Variants in RERE observed in about 807,000 individuals in gnomAD.
RERE encodes the protein arginine-glutamic acid dipeptide repeats protein.
Under a neutral mutation model 146.1 loss-of-function variants are expected in RERE, and 40 were observed. The ratio of observed to expected loss-of-function variants is 0.27; its 90% CI spans 0.21 to 0.36. The LOEUF (loss-of-function observed/expected upper bound fraction) is 0.36, where lower values mean the gene tolerates loss of function less well. Among genes scored for constraint, RERE ranks in the 10% least tolerant of loss-of-function variants. RERE has a pLI of 1.00. For synonymous variants in RERE, 1,003 were observed against 866.0 expected (o/e 1.16, Z -2.78); for missense variants, 1,933 against 2,138.7 (o/e 0.90, Z 1.90).
chr1:8,779,857 T>G (rs1285798925), intron 1 of RERE, among the ~76,000 whole-genome samples: 1 of 152,078 alleles, frequency 6.6e-6, no homozygotes, highest in Admixed American at 6.5e-5. Context: ...ATGATGAAAA[T>G]TTATGATTAC....
chr1:8,634,147 A>G (rs1401495379), intron 2 of RERE, among the ~76,000 whole-genome samples: 1 of 152,136 alleles, frequency 6.6e-6, no homozygotes, highest in Non-Finnish European at 1.5e-5. Flanking sequence ...ATCAAGACCA[A>G]GCCATGCCCA....
intron 4 of RERE, among the ~76,000 whole-genome samples, chr1:8,577,935 A>G (rs541795964): frequency 3.9e-5 from 6 of 152,182 alleles, no homozygotes; most frequent in Admixed American, 2.0e-4. Flanking sequence ...TCTACCAAAA[A>G]TACAAAAAAG....
At chr1:8,422,682 G>A in intron 12 of RERE, 45 bp downstream of exon 12, 3 of 1,394,872 alleles carry the variant, frequency 2.2e-6, no homozygotes, top group East Asian at 2.3e-5. Flanking sequence ...GGCAGCAGGA[G>A]CAAAGAGGAA....
intron 6 of RERE, among the ~76,000 whole-genome samples, chr1:8,555,521 G>A (rs1645997254): frequency 6.6e-6 from 1 of 152,138 alleles, no homozygotes; most frequent in African/African-American, 2.4e-5. Context: ...CTGAGCATCA[G>A]AATGGAGAAA....
intron 6 of RERE, among the ~76,000 whole-genome samples, chr1:8,552,671 C>T (rs1645950096): frequency 6.6e-6 from 1 of 152,214 alleles, no homozygotes; most frequent in African/African-American, 2.4e-5. Flanking sequence ...AATCTACCTT[C>T]GTGAAGAGAA....
At chr1:8,684,084 T>C (rs1639033664) in intron 1 of RERE, among the ~76,000 whole-genome samples, 1 of 152,170 alleles carries the variant, frequency 6.6e-6, no homozygotes, top group African/African-American at 2.4e-5. Context: ...TAAATGCCAG[T>C]TTTTTTGGTT....
intron 1 of RERE, among the ~76,000 whole-genome samples, chr1:8,719,980 T>C (rs1639830018): frequency 6.6e-6 from 1 of 152,074 alleles, no homozygotes; most frequent in Admixed American, 6.6e-5. Flanking sequence ...ATTTACTCAC[T>C]CATTAATGGA....
intron 12 of RERE, among the ~76,000 whole-genome samples, chr1:8,387,175 T>A (rs1642706126): frequency 6.6e-6 from 1 of 152,096 alleles, no homozygotes; most frequent in African/African-American, 2.4e-5. Flanking sequence ...TTCACACTCT[T>A]ATGGAAATTT....
chr1:8,601,789 A>C (rs1646634452), intron 4 of RERE, among the ~76,000 whole-genome samples: 1 of 151,620 alleles, frequency 6.6e-6, no homozygotes, highest in Admixed American at 6.6e-5. Flanking sequence ...ACACACACAC[A>C]GACACACATC....
intron 4 of RERE, among the ~76,000 whole-genome samples, chr1:8,580,316 G>A (rs937854407): frequency 6.6e-6 from 1 of 152,178 alleles, no homozygotes; most frequent in Non-Finnish European, 1.5e-5. Flanking sequence ...AGCATAACCA[G>A]TTTAATTGCA....
At position 8,502,358 on chromosome 1, in the gene RERE, G is replaced by A. The variant is rs1261263309; in HGVS notation, c.880-4829C>T. The stretch of plus-strand genomic sequence containing the variant: ...TGGTGGGGGGGTCAGCCCCCCGCCC[G>A]GCCAGCCGCCCTATCCAGGAGGTGA... On this transcript the variant is annotated intron_variant, in intron 8 of 22. Transcript: ENST00000400908. 1.0e-3 allele frequency among the ~76,000 whole-genome samples: 117 copies of A among 117,174 alleles called. 1 individual carries two copies. Among genetic ancestry groups the A allele is most frequent in the African/African-American group, 3.8e-3 (109 of 28,650 alleles). The allele number at this position is 117,174 out of a possible 152,430, so 76.9% of individuals were successfully genotyped here.
intron 1 of RERE, among the ~76,000 whole-genome samples, chr1:8,807,755 C>T (rs941806842): frequency 3.3e-5 from 5 of 152,140 alleles, no homozygotes; most frequent in Non-Finnish European, 7.3e-5. Flanking sequence ...TTCACTCTTA[C>T]ACACTCTAAA....
intron 12 of RERE, among the ~76,000 whole-genome samples, chr1:8,392,362 C>T (rs2124427495): frequency 6.6e-6 from 1 of 152,270 alleles, no homozygotes; most frequent in African/African-American, 2.4e-5. Context: ...TTAAAAAAAT[C>T]CTTTTATGCT....
chr1:8,358,821 G>C lies in RERE; in HGVS notation c.3714C>G (p.Thr1238=). 1.2e-6 allele frequency: 2 copies of C among 1,610,854 alleles called. No individual in the cohort carries two copies. The highest frequency in any genetic ancestry group is 1.7e-6 in the Non-Finnish European group (2 of 1,178,276). The change falls in exon 20 of 23, where the codon ACC becomes ACG. Residue 1238 remains threonine, a synonymous_variant. Transcript: ENST00000400908. ...CGATGTAGGGGGGCACAGCAGCAAT[G>C]GTGGTTGGTGGTGGCTCGAAGGATG... ...MRPSFEPPPT[T]IAAVPPYIGP... is the part of the protein sequence containing the mutation.
At chr1:8,771,586 T>G (rs984104672) in intron 1 of RERE, among the ~76,000 whole-genome samples, 3 of 150,494 alleles carry the variant, frequency 2.0e-5, no homozygotes, top group Admixed American at 6.6e-5. Flanking sequence ...TTATGTAAAG[T>G]TTATAATTAG....
intron 10 of RERE, among the ~76,000 whole-genome samples, chr1:8,482,810 A>G (rs1213749810): frequency 1.3e-5 from 2 of 152,084 alleles, no homozygotes; most frequent in Non-Finnish European, 2.9e-5. Context: ...ACAGGTGAAC[A>G]CCTAAACACT....
intron 11 of RERE, among the ~76,000 whole-genome samples, chr1:8,458,507 T>A (rs1451710770): frequency 6.6e-6 from 1 of 152,218 alleles, no homozygotes; most frequent in Non-Finnish European, 1.5e-5. Context: ...TGTGCTTATA[T>A]TCAATGTGGG....
chr1:8,358,520 G>T lies in RERE; in HGVS notation c.4015C>A (p.Pro1339Thr). 6.3e-7 allele frequency: 1 copy of T among 1,595,312 alleles called. No homozygotes were observed. Reference sequence around the variant, plus strand: ...AAGTGCTCCATGGGGTTGGCGGCTGGGTGCAGGGGGTCCAGCTCTGGGGGC... The same window carrying T: ...AAGTGCTCCATGGGGTTGGCGGCTGTGTGCAGGGGGTCCAGCTCTGGGGGC... ...VKPPELDPLH[P>T]AANPMEHFAR... The change falls in exon 20 of 23, where the codon CCA becomes ACA. Residue 1339 changes from proline to threonine, a missense_variant. Pro to Thr is a conservative substitution (Grantham distance 38). Transcript: ENST00000400908.
At chr1:8,688,379 T>C (rs1334008689) in intron 1 of RERE, among the ~76,000 whole-genome samples, 2 of 151,964 alleles carry the variant, frequency 1.3e-5, no homozygotes, top group East Asian at 1.9e-4. Context: ...CTGGGTAACA[T>C]GGTGAAACCC....
Sources: gnomAD v4.1 joint callset for allele counts (sites outside exome capture counted in the v4.1 genomes callset) on GRCh38, gnomAD v4.1.1 for gene constraint, MANE v1.5 for transcripts, NCBI Gene and HGNC (gene_info 2026-07-23, HGNC 2026-07-21) for gene names.